Variants in ENPP1 observed in about 807,000 individuals in gnomAD.
The protein encoded by ENPP1 is ectonucleotide pyrophosphatase/phosphodiesterase family member 1.
A neutral mutation model predicts 122.8 loss-of-function variants in ENPP1; 73 were observed. That is an observed-to-expected ratio of 0.59 (90% CI 0.49 to 0.72). ENPP1 has a LOEUF of 0.72. ENPP1 is among the 30% of genes least tolerant of loss of function. ENPP1 has a pLI of 0.00. For missense variants in ENPP1, 978 were observed against 1,128.1 expected, an observed-to-expected ratio of 0.87 and a Z score of 1.91; for synonymous variants, 367 against 391.6, an observed-to-expected ratio of 0.94 and a Z score of 0.74.
rs187969036 is a variant in ENPP1 at position 131,862,306 on chromosome 6, G to A, written c.1025+602G>A. Among the ~76,000 whole-genome samples, 610 of 152,294 alleles carry A rather than the reference G, an allele frequency of 4.0e-3. 2 individuals carry two copies. The highest frequency in any genetic ancestry group is 4.7e-3 in the Non-Finnish European group (322 of 68,022). ...CATGAAAAATGAGGTCATGGTGGAG[G>A]TAGAGATCTGGGAGTGGGAGTACTG... On this transcript the variant is annotated intron_variant, in intron 9 of 24. Transcript: ENST00000647893.
intron 19 of ENPP1, among the ~76,000 whole-genome samples, chr6:131,878,795 A>G (rs912443926): frequency 3.3e-5 from 5 of 152,214 alleles, no homozygotes; most frequent in African/African-American, 9.6e-5. Flanking sequence ...GATATTTTGC[A>G]GTGGATATTG....
chr6:131,852,192 G>T lies in ENPP1; in HGVS notation c.574G>T (p.Glu192Ter). Reference protein sequence around the residue: ...SVCQGEKSWVEEPCESINEPQ... With the variant: ...SVCQGEKSWV ...TATTTTAGGTGAGAAAAGTTGGGTAGAAGAACCATGTGAGAGCATTAATGA... is the reference window on the plus strand; with the variant it reads ...TATTTTAGGTGAGAAAAGTTGGGTATAAGAACCATGTGAGAGCATTAATGA... Residue 192 changes from glutamate to a stop codon, truncating the protein, a stop_gained, in exon 5 of 25, where the codon GAA (glutamate) becomes TAA (stop). Coordinates refer to ENST00000647893, the MANE Select transcript of ENPP1 (RefSeq NM_006208.3). LOFTEE classifies it high-confidence loss of function. 1 of 1,605,934 alleles carries T rather than the reference G, an allele frequency of 6.2e-7. No homozygotes were observed.
chr6:131,870,849 C>A (rs570650171), intron 13 of ENPP1, among the ~76,000 whole-genome samples: 2 of 152,194 alleles, frequency 1.3e-5, no homozygotes, highest in South Asian at 2.1e-4. Flanking sequence ...GAGGCCGAGG[C>A]GGGCGGATCA....
intron 1 of ENPP1, among the ~76,000 whole-genome samples, chr6:131,830,255 A>G (rs956955435): frequency 5.9e-5 from 9 of 152,174 alleles, no homozygotes; most frequent in Non-Finnish European, 1.0e-4. Flanking sequence ...GTGAGCTGCA[A>G]TGCTCAGTGG....
chr6:131,819,867 A>G (rs1431238851), intron 1 of ENPP1: 8 of 467,374 alleles, frequency 1.7e-5, no homozygotes, highest in Admixed American at 3.1e-5. Context: ...GATTCGACCA[A>G]TTCTCTGGGG....
Position 131,893,094 on chromosome 6 carries a change from T to C in ENPP1, c.*2583T>C, listed in dbSNP as rs1782491951. 6.6e-6 allele frequency: 1 copy of C among 152,196 alleles called. No individual in the cohort carries two copies. The allele number at this position is 152,196 out of a possible 1,614,324, so 9.4% of individuals were successfully genotyped here. Reference sequence around the variant, plus strand: ...GTTTTAATATAATATCCAGGATTTTTATATGCATTTAGCAGAAGGATGTCT... The same window carrying C: ...GTTTTAATATAATATCCAGGATTTTCATATGCATTTAGCAGAAGGATGTCT... On this transcript the variant is annotated 3_prime_UTR_variant, in exon 25 of 25. Coordinates refer to ENST00000647893, the MANE Select transcript of ENPP1 (RefSeq NM_006208.3).
chr6:131,823,752 G>T (rs1229518137), intron 1 of ENPP1, among the ~76,000 whole-genome samples: 1 of 152,014 alleles, frequency 6.6e-6, no homozygotes, highest in Non-Finnish European at 1.5e-5. Context: ...ATAGAGCTTA[G>T]TGAGTAAGGC....
chr6:131,816,371 C>G (rs1348180558), intron 1 of ENPP1, among the ~76,000 whole-genome samples: 1 of 152,054 alleles, frequency 6.6e-6, no homozygotes, highest in Non-Finnish European at 1.5e-5. Flanking sequence ...TAAAATACCC[C>G]CCAAACAAGA....
chr6:131,875,823 T>C lies in ENPP1; in HGVS notation c.1683T>C (p.Ala561=). 1 of 1,614,132 alleles carries C rather than the reference T, an allele frequency of 6.2e-7. No individual in the cohort carries two copies. The highest frequency in any genetic ancestry group is 1.1e-5 in the South Asian group (1 of 91,082). Residue 561 remains alanine, a synonymous_variant, in exon 17 of 25, where the codon GCT becomes GCC. Transcript: ENST00000647893. ...YGPGFKHGIE[A]DTFENIEVYN... ...CTGGATTCAAGCATGGCATTGAGGC[T>C]GACACCTTTGAAAACATTGAAGTCT...
Position 131,851,190 on chromosome 6 carries a change from C to A in ENPP1, c.479C>A (p.Thr160Asn). 6.2e-7 allele frequency: 1 copy of A among 1,613,954 alleles called. No individual in the cohort carries two copies. The highest frequency in any genetic ancestry group is 2.2e-5 in the East Asian group (1 of 44,872). Reference sequence around the variant, plus strand: ...TTCAGGTGTGGTGAGAAAAGGTTGACCAGAAGCCTCTGTGCCTGTTCAGAT... The same window carrying A: ...TTCAGGTGTGGTGAGAAAAGGTTGAACAGAAGCCTCTGTGCCTGTTCAGAT... Reference protein sequence around the residue: ...NKFRCGEKRLTRSLCACSDDC... With the variant: ...NKFRCGEKRLNRSLCACSDDC... Residue 160 changes from threonine to asparagine, a missense_variant, in exon 4 of 25, where the codon ACC becomes AAC. Coordinates refer to ENST00000647893, the MANE Select transcript of ENPP1 (RefSeq NM_006208.3).
chr6:131,818,290 A>G (rs181441409), intron 1 of ENPP1, among the ~76,000 whole-genome samples: 1 of 152,268 alleles, frequency 6.6e-6, no homozygotes, highest in East Asian at 1.9e-4. Flanking sequence ...TGCAATAAAA[A>G]AAAAGCCATT....
intron 1 of ENPP1, among the ~76,000 whole-genome samples, chr6:131,821,157 C>G (rs58539887): frequency 0.018 from 2,692 of 152,136 alleles, 77 homozygotes; most frequent in African/African-American, 0.062. Flanking sequence ...AATCTTGGGC[C>G]CCACCCCAGA....
intron 17 of ENPP1, 38 bp downstream of exon 17, chr6:131,875,901 T>C: frequency 6.7e-7 from 1 of 1,489,442 alleles, no homozygotes; most frequent in South Asian, 1.1e-5. Flanking sequence ...CTTCTGAAAA[T>C]AGACCTGAAA....
At chr6:131,834,309 C>G (rs1781647231) in intron 1 of ENPP1, among the ~76,000 whole-genome samples, 1 of 152,072 alleles carries the variant, frequency 6.6e-6, no homozygotes, top group Non-Finnish European at 1.5e-5. Flanking sequence ...AGAATAATTG[C>G]CCTAGAAATA....
chr6:131,874,451 A>C, intron 16 of ENPP1, 114 bp downstream of exon 16: 1 of 677,304 alleles, frequency 1.5e-6, no homozygotes, highest in South Asian at 1.8e-5. Context: ...TTAATGGAAC[A>C]TACTTTCATA....
At chr6:131,842,673 T>A (rs934991709) in intron 1 of ENPP1, among the ~76,000 whole-genome samples, 3 of 152,188 alleles carry the variant, frequency 2.0e-5, no homozygotes, top group African/African-American at 7.2e-5. Flanking sequence ...TTTACATGTT[T>A]CTACTGAAGT....
In ENPP1 at chr6:131,877,173, C is replaced by T; in HGVS notation, c.1893+12C>T. 6.2e-7 allele frequency: 1 copy of T among 1,612,226 alleles called. No homozygotes were observed. ...CATGTAACCCTTCGGTAAGTATCGT[C>T]AAGAAGTTTGGTCCAGTATGTATGG... On this transcript the variant is annotated intron_variant, in intron 18 of 24. Coordinates refer to ENST00000647893, the MANE Select transcript of ENPP1 (RefSeq NM_006208.3).
intron 1 of ENPP1, among the ~76,000 whole-genome samples, chr6:131,823,188 A>G (rs1479765323): frequency 1.3e-5 from 2 of 152,170 alleles, no homozygotes; most frequent in Admixed American, 1.3e-4. Context: ...TTAAATACAT[A>G]CATATCTATT....
At chr6:131,835,528 C>G (rs1585803623) in intron 1 of ENPP1, among the ~76,000 whole-genome samples, 1 of 152,156 alleles carries the variant, frequency 6.6e-6, no homozygotes, top group Non-Finnish European at 1.5e-5. Context: ...CTATGTTTAT[C>G]TAAAATAATT....
Sources: gnomAD v4.1 joint callset for allele counts (sites outside exome capture counted in the v4.1 genomes callset) on GRCh38, gnomAD v4.1.1 for gene constraint, MANE v1.5 for transcripts, NCBI Gene and HGNC (gene_info 2026-07-23, HGNC 2026-07-21) for gene names.